Variants in GALNT17 observed in about 807,000 individuals in gnomAD.
The protein encoded by GALNT17 is UDP-GalNAc:polypeptide N-acetylgalactosaminyltransferase-like 3.
Under a neutral mutation model 63.7 loss-of-function variants are expected in GALNT17, and 29 were observed. The observed-to-expected ratio is 0.46, with a 90% CI of 0.34 to 0.62. The LOEUF (loss-of-function observed/expected upper bound fraction) is 0.62. Among genes scored for constraint, GALNT17 ranks in the 20% least tolerant of loss-of-function variants. The pLI is 0.01. For synonymous variants in GALNT17, 305 were observed against 318.3 expected, an observed-to-expected ratio of 0.96 and a Z score of 0.45; for missense variants, 603 against 799.6, an observed-to-expected ratio of 0.75 and a Z score of 2.97.
At chr7:71,169,708 A>G (rs1282070405) in intron 1 of GALNT17, among the ~76,000 whole-genome samples, 1 of 151,994 alleles carries the variant, frequency 6.6e-6, no homozygotes, top group Admixed American at 6.6e-5. Context: ...GGTGCATGCC[A>G]TCACGCCTGG....
At chr7:71,260,830 C>T (rs1790372381) in intron 1 of GALNT17, among the ~76,000 whole-genome samples, 1 of 152,088 alleles carries the variant, frequency 6.6e-6, no homozygotes, top group Non-Finnish European at 1.5e-5. Flanking sequence ...CCTCGAACTC[C>T]TGGACTCAAG....
At chr7:71,659,998 T>C (rs1790882759) in intron 6 of GALNT17, among the ~76,000 whole-genome samples, 1 of 152,206 alleles carries the variant, frequency 6.6e-6, no homozygotes, top group Non-Finnish European at 1.5e-5. Flanking sequence ...AAAAGCTCCC[T>C]TTGTGATGGT....
chr7:71,631,630 T>C (rs904131784), intron 6 of GALNT17, among the ~76,000 whole-genome samples: 7 of 152,134 alleles, frequency 4.6e-5, no homozygotes, highest in African/African-American at 1.7e-4. Context: ...AGGAGGCCAC[T>C]GTGGCCGGAG....
intron 10 of GALNT17, among the ~76,000 whole-genome samples, chr7:71,711,210 A>G (rs1791787303): frequency 6.6e-6 from 1 of 151,950 alleles, no homozygotes; most frequent in East Asian, 1.9e-4. Context: ...TCCACTAAGT[A>G]CCCACAGCCA....
chr7:71,605,822 G>T (rs966684686), intron 6 of GALNT17, among the ~76,000 whole-genome samples: 2 of 152,164 alleles, frequency 1.3e-5, no homozygotes, highest in African/African-American at 2.4e-5. Context: ...GCTTGATCTA[G>T]CCCTAACCCG....
At chr7:71,698,915 T>A (rs1240926826) in intron 9 of GALNT17, among the ~76,000 whole-genome samples, 1 of 152,060 alleles carries the variant, frequency 6.6e-6, no homozygotes, top group African/African-American at 2.4e-5. Flanking sequence ...CTCACGCCTG[T>A]AATCCCAGCA....
chr7:71,475,369 T>G (rs1381372196), intron 5 of GALNT17, among the ~76,000 whole-genome samples: 4 of 152,198 alleles, frequency 2.6e-5, no homozygotes, highest in Non-Finnish European at 5.9e-5. Context: ...TTCCTGCAAC[T>G]AAACGGTCCC....
Position 71,538,110 on chromosome 7 carries a change from A to G in GALNT17, c.963-33175A>G, listed in dbSNP as rs1394317631. 2.0e-5 allele frequency among the ~76,000 whole-genome samples: 3 copies of G among 152,316 alleles called. No individual in the cohort carries two copies. The East Asian group carries it at 5.8e-4, about 29-fold the overall frequency. ...GGTAAAGGCAGCCCTTCGGAAACTA[A>G]TATATATAACAACTGGCACAAAGAA... On this transcript the variant is annotated intron_variant, in intron 5 of 10. Coordinates refer to ENST00000333538, the MANE Select transcript of GALNT17 (RefSeq NM_022479.3).
At chr7:71,657,001 A>G (rs776426898) in intron 6 of GALNT17, among the ~76,000 whole-genome samples, 2 of 152,186 alleles carry the variant, frequency 1.3e-5, no homozygotes, top group Non-Finnish European at 1.5e-5. Context: ...TTCTCAATTT[A>G]ATGGCACAAT....
chr7:71,528,729 G>A (rs1201431293), intron 5 of GALNT17, among the ~76,000 whole-genome samples: 1 of 152,110 alleles, frequency 6.6e-6, no homozygotes, highest in Non-Finnish European at 1.5e-5. Flanking sequence ...CACCACTAAA[G>A]AACTTATCTA....
chr7:71,262,940 C>T (rs1790412719), intron 1 of GALNT17, among the ~76,000 whole-genome samples: 1 of 151,952 alleles, frequency 6.6e-6, no homozygotes, highest in Admixed American at 6.6e-5. Context: ...CTCAGCCTCC[C>T]AAAGTACTGG....
chr7:71,142,938 T>A (rs1351865613), intron 1 of GALNT17, among the ~76,000 whole-genome samples: 2 of 82,204 alleles, frequency 2.4e-5, no homozygotes, highest in African/African-American at 5.5e-5. Context: ...GAGACTCTTG[T>A]CTCAAAAAAA....
intron 5 of GALNT17, among the ~76,000 whole-genome samples, chr7:71,448,568 C>G (rs114129524): frequency 0.019 from 2,844 of 151,922 alleles, 41 homozygotes; most frequent in African/African-American, 0.029. Flanking sequence ...TTCAAGGGTT[C>G]TTTTTGGTTC....
chr7:71,614,103 A>G (rs1332381093), intron 6 of GALNT17, among the ~76,000 whole-genome samples: 1 of 152,178 alleles, frequency 6.6e-6, no homozygotes, highest in South Asian at 2.1e-4. Flanking sequence ...CTTGTCACCA[A>G]CAAAGTTAGT....
At chr7:71,142,915 T>C (rs1489140956) in intron 1 of GALNT17, among the ~76,000 whole-genome samples, 1 of 142,082 alleles carries the variant, frequency 7.0e-6, no homozygotes, top group Non-Finnish European at 1.5e-5. Flanking sequence ...CATTGTAGCC[T>C]GGGCGACAGG....
intron 2 of GALNT17, among the ~76,000 whole-genome samples, chr7:71,358,457 T>C (rs1467064950): frequency 6.6e-6 from 1 of 152,176 alleles, no homozygotes; most frequent in African/African-American, 2.4e-5. Context: ...CCAGAGCTCG[T>C]TTTCCATATT....
intron 2 of GALNT17, among the ~76,000 whole-genome samples, chr7:71,383,255 A>G (rs1016413514): frequency 6.6e-6 from 1 of 152,196 alleles, no homozygotes; most frequent in African/African-American, 2.4e-5. Flanking sequence ...GATTGGCTCC[A>G]GATCCCCCTT....
At chr7:71,503,461 T>C (rs750337188) in intron 5 of GALNT17, among the ~76,000 whole-genome samples, 1 of 152,120 alleles carries the variant, frequency 6.6e-6, no homozygotes, top group Non-Finnish European at 1.5e-5. Context: ...GGTCTTGAAC[T>C]ACTGACCTCA....
chr7:71,362,250 G>A (rs989543487), intron 2 of GALNT17, among the ~76,000 whole-genome samples: 13 of 152,116 alleles, frequency 8.5e-5, no homozygotes, highest in Admixed American at 2.0e-4. Context: ...GAGCCACCGC[G>A]CCCGGCTTTG....
Sources: gnomAD v4.1 joint callset for allele counts (sites outside exome capture counted in the v4.1 genomes callset) on GRCh38, gnomAD v4.1.1 for gene constraint, MANE v1.5 for transcripts, NCBI Gene and HGNC (gene_info 2026-07-23, HGNC 2026-07-21) for gene names.